The following IFT57 variants were observed in gnomAD, a reference collection of about 807,000 sequenced individuals.
IFT57 encodes the protein intraflagellar transport 57.
In IFT57, 59 loss-of-function variants were observed where a neutral mutation model predicts 56.8. That is an observed-to-expected ratio of 1.04 (90% CI 0.84 to 1.29). The LOEUF (loss-of-function observed/expected upper bound fraction) is 1.29. Ranked by LOEUF, IFT57 falls within the 50% of genes most tolerant of loss-of-function variation. The pLI, the probability that IFT57 is intolerant of heterozygous loss-of-function variation, is 0.00. For missense variants in IFT57, 470 were observed against 522.1 expected (o/e 0.90, Z 0.97); for synonymous variants, 209 against 186.1 (o/e 1.12, Z -1.00).
chr3:108,162,389 A>G lies in IFT57; in HGVS notation c.*88T>C. Reference sequence around the variant, plus strand: ...ATATGTAAAAAAATACCCATTGAACATAAAATTATGTTTTGAAATCTATGC... The same window carrying G: ...ATATGTAAAAAAATACCCATTGAACGTAAAATTATGTTTTGAAATCTATGC... On this transcript the variant is annotated 3_prime_UTR_variant, in exon 11 of 11. Coordinates refer to ENST00000264538, the MANE Select transcript of IFT57 (RefSeq NM_018010.4). The G allele has an allele frequency of 9.0e-7, 1 of 1,116,618 alleles. No individual in the cohort carries two copies. Among genetic ancestry groups the G allele is most frequent in the African/African-American group, 1.6e-5 (1 of 63,958 alleles). The allele number at this position is 1,116,618 out of a possible 1,614,324, so 69.2% of individuals were successfully genotyped here.
intron 6 of IFT57, among the ~76,000 whole-genome samples, chr3:108,172,778 A>C (rs907981431): frequency 4.3e-4 from 66 of 151,990 alleles, no homozygotes; most frequent in Middle Eastern, 6.8e-3. Context: ...AGGGGATATT[A>C]ATACTACAGT....
chr3:108,173,425 T>C (rs1483120383), intron 6 of IFT57, among the ~76,000 whole-genome samples: 2 of 151,764 alleles, frequency 1.3e-5, no homozygotes, highest in African/African-American at 4.8e-5. Context: ...CTTCTCAACT[T>C]AAGATGGGGT....
chr3:108,200,857 T>C (rs1183441078), intron 5 of IFT57, among the ~76,000 whole-genome samples: 1 of 152,188 alleles, frequency 6.6e-6, no homozygotes, highest in African/African-American at 2.4e-5. Flanking sequence ...AAAATACTCA[T>C]GACAATCTAG....
intron 3 of IFT57, 26 bp from the exon 4 acceptor site, chr3:108,214,047 G>T: frequency 2.2e-6 from 3 of 1,347,692 alleles, no homozygotes; most frequent in Non-Finnish European, 3.2e-6. Flanking sequence ...TAAACATGAG[G>T]TGATAATTTT....
intron 6 of IFT57, among the ~76,000 whole-genome samples, chr3:108,173,800 GTGTGTGTGTATA>G (rs1437326923): frequency 6.7e-5 from 9 of 134,266 alleles, no homozygotes; most frequent in African/African-American, 2.4e-4. Context: ...GTGTGTGTGT[GTGTGTGTGTATA>G]TAATATAGTA....
chr3:108,180,409 C>A (rs926417305), intron 6 of IFT57, among the ~76,000 whole-genome samples: 11 of 151,804 alleles, frequency 7.2e-5, no homozygotes, highest in Non-Finnish European at 1.3e-4. Flanking sequence ...CACCCAGAGG[C>A]CAAATCAGAA....
chr3:108,191,531 G>A lies in IFT57; in HGVS notation c.767C>T (p.Thr256Ile), dbSNP rs1302696833. 3 of 1,596,318 alleles carry A rather than the reference G, an allele frequency of 1.9e-6. No individual in the cohort carries two copies. In the Admixed American group the frequency reaches 5.2e-5, roughly 28 times the overall value. Residue 256 changes from threonine to isoleucine, a missense_variant, in exon 6 of 11, where the codon ACT (threonine) becomes ATT (isoleucine). By Grantham distance (89) the Thr-to-Ile change is moderately conservative. Transcript: ENST00000264538. The part of the protein sequence containing the change: ...VLPQLKVTIR[T>I]DNKDWRIHVD... ...TTCCCACTTTGATACCTTATTGTCA[G>A]TCCTAATCGTGACTTTCAGTTGCGG...
intron 5 of IFT57, among the ~76,000 whole-genome samples, chr3:108,197,576 T>C (rs1298201879): frequency 1.3e-5 from 2 of 152,212 alleles, no homozygotes; most frequent in Non-Finnish European, 2.9e-5. Flanking sequence ...AAAGGCTATG[T>C]TCTGTAAAAA....
chr3:108,221,668 A>G (rs1006384625), intron 1 of IFT57, among the ~76,000 whole-genome samples: 3 of 151,898 alleles, frequency 2.0e-5, no homozygotes, highest in Non-Finnish European at 4.4e-5. Flanking sequence ...ACAACAAAAA[A>G]CCCCAAACTA....
chr3:108,197,364 A>T (rs2080249619), intron 5 of IFT57, among the ~76,000 whole-genome samples: 1 of 152,192 alleles, frequency 6.6e-6, no homozygotes, highest in Non-Finnish European at 1.5e-5. Context: ...AATTGGTCCT[A>T]GGTAAAAGGA....
At chr3:108,191,761 TGGAA>T in intron 5 of IFT57, 118 bp from the exon 6 acceptor site, 1 of 531,210 alleles carries the variant, frequency 1.9e-6, no homozygotes, top group East Asian at 3.4e-5. Flanking sequence ...AAAATTATAG[TGGAA>T]GAAGAAATTA....
intron 8 of IFT57, among the ~76,000 whole-genome samples, chr3:108,166,561 G>C (rs2080064185): frequency 6.6e-6 from 1 of 152,008 alleles, no homozygotes; most frequent in South Asian, 2.1e-4. Flanking sequence ...AAAACCAGGT[G>C]TCCTGATACT....
chr3:108,173,177 G>C (rs1200330520), intron 6 of IFT57, among the ~76,000 whole-genome samples: 2 of 151,708 alleles, frequency 1.3e-5, no homozygotes, highest in African/African-American at 4.8e-5. Flanking sequence ...AAAATAATGT[G>C]GTATGATACT....
At chr3:108,206,772 A>C (rs2080316419) in intron 4 of IFT57, 76 bp from the exon 5 acceptor site, 1 of 371,436 alleles carries the variant, frequency 2.7e-6, no homozygotes, top group Admixed American at 4.6e-5. Context: ...CCTATATGCT[A>C]TACTAAGCTA....
At chr3:108,211,621 G>A (rs1285948649) in intron 4 of IFT57, among the ~76,000 whole-genome samples, 1 of 152,228 alleles carries the variant, frequency 6.6e-6, no homozygotes, top group South Asian at 2.1e-4. Context: ...CAGAATGAAT[G>A]AATATATCTT....
chr3:108,168,594 G>T (rs1016029577), intron 6 of IFT57, among the ~76,000 whole-genome samples: 1 of 151,850 alleles, frequency 6.6e-6, no homozygotes, highest in Admixed American at 6.6e-5. Flanking sequence ...CTGTCATCTA[G>T]GTTTTAAGCC....
intron 6 of IFT57, among the ~76,000 whole-genome samples, chr3:108,169,209 T>C (rs1048405914): frequency 2.6e-5 from 4 of 152,098 alleles, no homozygotes; most frequent in Non-Finnish European, 4.4e-5. Flanking sequence ...TGGTATCTCA[T>C]TGTGGTTTTG....
intron 4 of IFT57, 115 bp downstream of exon 4, chr3:108,213,816 T>G: frequency 1.5e-6 from 1 of 650,336 alleles, no homozygotes; most frequent in South Asian, 2.2e-5. Flanking sequence ...AAGCTTTTCT[T>G]CTTTAGAAAC....
intron 3 of IFT57, among the ~76,000 whole-genome samples, chr3:108,217,224 G>A (rs1402212612): frequency 6.6e-6 from 1 of 152,010 alleles, no homozygotes. Flanking sequence ...TTGCAGTTAT[G>A]TGCCAATTAA....
Sources: allele counts gnomAD v4.1 joint callset (sites outside exome capture counted in the v4.1 genomes callset), GRCh38; gene constraint gnomAD v4.1.1; transcripts MANE v1.5; gene names NCBI Gene and HGNC (gene_info 2026-07-23, HGNC 2026-07-21).